The following PRDM11 variants were observed in gnomAD, a reference collection of about 807,000 sequenced individuals.
The protein encoded by PRDM11 is PR/SET domain 11.
Under a neutral mutation model 97.8 loss-of-function variants are expected in PRDM11, and 20 were observed. That is an observed-to-expected ratio of 0.20 (90% CI 0.14 to 0.30). The LOEUF is 0.30. Among genes scored for constraint, PRDM11 ranks in the 10% least tolerant of loss-of-function variants. The pLI is 1.00. For synonymous variants in PRDM11, 599 were observed against 637.7 expected (o/e 0.94, Z 0.91); for missense variants, 1,139 against 1,555.2 (o/e 0.73, Z 4.50).
rs1482936084 is a variant in PRDM11, at chr11:45,219,524, A to G, written c.555-46A>G. ...CTGTGCCGGCACCAGCGGGCACTCA[A>G]CAAAGGGTGGCCCGTGCGTTCTCAC... is the stretch of plus-strand genomic sequence containing the variant. On this transcript the variant is annotated intron_variant, in intron 5 of 7. Transcript: ENST00000683152. This position sits in a 1 kb window ranked among gnomAD's most constrained non-coding sequence, Gnocchi z 4.2. 6.5e-7 allele frequency: 1 copy of G among 1,549,960 alleles called. No homozygotes were observed.
rs1291035340 is a variant in PRDM11, at chr11:45,146,832, G to C, written c.-52G>C. 6.8e-6 allele frequency: 1 copy of C among 146,440 alleles called. No individual in the cohort carries two copies. The highest frequency in any genetic ancestry group is 1.5e-5 in the Non-Finnish European group (1 of 65,780). The allele number at this position is 146,440 out of a possible 1,614,324, so 9.1% of individuals were successfully genotyped here. A position where few individuals can be genotyped will look rare whatever the true frequency, so the allele number is the denominator to read the frequency against. Reference sequence around the variant, plus strand: ...CCTCCGCCGAGCCGCCCGCCGGGCCGCTCTCGCCGCCCGGGCCCCGCGGCT... The same window carrying C: ...CCTCCGCCGAGCCGCCCGCCGGGCCCCTCTCGCCGCCCGGGCCCCGCGGCT... On this transcript the variant is annotated 5_prime_UTR_variant, in exon 1 of 8. Transcript: ENST00000683152.
At chr11:45,168,473 G>A (rs1341718564) in intron 1 of PRDM11, among the ~76,000 whole-genome samples, 1 of 152,166 alleles carries the variant, frequency 6.6e-6, no homozygotes, top group African/African-American at 2.4e-5. Context: ...GGCTGCCTGC[G>A]CCGAGTGGCT....
At chr11:45,212,862 C>A (rs1045943715) in intron 5 of PRDM11, 1 of 438,418 alleles carries the variant, frequency 2.3e-6, no homozygotes. Context: ...ATGTGCCAGA[C>A]GCTGACAGAG....
upstream of PRDM11, among the ~76,000 whole-genome samples, chr11:45,142,905 G>A (rs914458703): frequency 6.6e-6 from 1 of 152,196 alleles, no homozygotes; most frequent in Admixed American, 6.5e-5. Flanking sequence ...TTAAAAAGGG[G>A]AACATCTTTA....
chr11:45,101,567 A>AGAAGAAGAAGAAGAAGAAG lies in PRDM11; in HGVS notation c.96+5666_96+5667insGAAGAAGAAGAAGAAGAAG, dbSNP rs1554963214. Among the ~76,000 whole-genome samples, 13 of 96,832 alleles carry AGAAGAAGAAGAAGAAGAAG rather than the reference A, an allele frequency of 1.3e-4. 4 individuals are homozygous for AGAAGAAGAAGAAGAAGAAG. Among genetic ancestry groups the AGAAGAAGAAGAAGAAGAAG allele is most frequent in the African/African-American group, 5.4e-4 (11 of 20,504 alleles). 63.5% of individuals were successfully genotyped at this position (96,832 alleles called of 152,430 possible). On this transcript the variant is annotated intron_variant, in intron 1 of 6. Transcript: ENST00000530656. Reference sequence around the variant, plus strand: ...CAACACTCTGTCTCAAAAAAAAAAAAAAGAAGAAGAAGAAGAAGAAGAAGA... The same window carrying AGAAGAAGAAGAAGAAGAAG: ...CAACACTCTGTCTCAAAAAAAAAAAAGAAGAAGAAGAAGAAGAAGAAGAAGAAGAAGAAGAAGAAGAAGA...
intron 1 of PRDM11, among the ~76,000 whole-genome samples, chr11:45,115,972 G>T (rs895654974): frequency 2.0e-4 from 30 of 151,018 alleles, no homozygotes; most frequent in African/African-American, 7.3e-4. Flanking sequence ...CTAGAGCAGT[G>T]ATATTATTAT....
At chr11:45,218,852 G>A (rs1271425764) in intron 5 of PRDM11, among the ~76,000 whole-genome samples, 2 of 152,242 alleles carry the variant, frequency 1.3e-5, no homozygotes, top group Non-Finnish European at 2.9e-5. Context: ...GGAGCCATGA[G>A]TTACAGTGGG....
At chr11:45,149,102 C>G (rs1222324082) in intron 1 of PRDM11, among the ~76,000 whole-genome samples, 1 of 152,216 alleles carries the variant, frequency 6.6e-6, no homozygotes, top group Non-Finnish European at 1.5e-5. Flanking sequence ...TCCATCCCCT[C>G]TTCCCCAGTG....
intron 1 of PRDM11, among the ~76,000 whole-genome samples, chr11:45,111,639 G>C (rs1590343774): frequency 6.6e-6 from 1 of 152,208 alleles, no homozygotes; most frequent in South Asian, 2.1e-4. Context: ...CCAAATCAGA[G>C]AGTGGGAGTG....
chr11:45,094,833 G>A (rs1193246549), upstream of PRDM11, among the ~76,000 whole-genome samples: 1 of 101,412 alleles, frequency 9.9e-6, no homozygotes, highest in African/African-American at 6.2e-5. Flanking sequence ...AAGGAAGGGA[G>A]GAAGGAGGGA....
chr11:45,154,892 G>A (rs1480405762), intron 1 of PRDM11, among the ~76,000 whole-genome samples: 1 of 152,198 alleles, frequency 6.6e-6, no homozygotes, highest in Non-Finnish European at 1.5e-5. Context: ...CCCTTCCTCT[G>A]CACCCCAGTC....
intron 5 of PRDM11, chr11:45,213,638 T>C (rs1853859369): frequency 2.2e-6 from 1 of 456,360 alleles, no homozygotes; most frequent in Non-Finnish European, 4.4e-6. Flanking sequence ...AAAGACTGTC[T>C]TGCATTCATA....
chr11:45,189,351 C>A (rs1852826382), intron 4 of PRDM11, among the ~76,000 whole-genome samples: 1 of 152,144 alleles, frequency 6.6e-6, no homozygotes, highest in South Asian at 2.1e-4. Flanking sequence ...AGGGTGGAGA[C>A]CCTAAGTGAA....
At chr11:45,217,067 T>C (rs559675429) in intron 5 of PRDM11, among the ~76,000 whole-genome samples, 6 of 152,330 alleles carry the variant, frequency 3.9e-5, no homozygotes, top group African/African-American at 1.4e-4. Flanking sequence ...TGGTTTCCCT[T>C]TTGTATCTGG....
chr11:45,182,097 C>T, intron 2 of PRDM11, 149 bp from the exon 3 acceptor site: 2 of 746,542 alleles, frequency 2.7e-6, no homozygotes, highest in Non-Finnish European at 2.2e-6. Context: ...TTTCCACCAC[C>T]TCCTGCACTG....
intron 5 of PRDM11, among the ~76,000 whole-genome samples, 191 bp downstream of exon 5, chr11:45,204,969 G>A (rs1450495154): frequency 2.0e-5 from 3 of 152,166 alleles, no homozygotes; most frequent in East Asian, 1.9e-4. Flanking sequence ...TCTAGAGGAC[G>A]GCGTGTGGTC....
chr11:45,196,377 G>A (rs142036019), intron 4 of PRDM11, among the ~76,000 whole-genome samples: 13 of 152,210 alleles, frequency 8.5e-5, no homozygotes, highest in African/African-American at 2.9e-4. Flanking sequence ...TGTTAACTAC[G>A]TTCTTCTGCC....
chr11:45,229,311 C>G lies in PRDM11; in HGVS notation c.*1152C>G, dbSNP rs897744450. 2.0e-5 allele frequency: 3 copies of G among 152,180 alleles called. No homozygotes were observed. Among genetic ancestry groups the G allele is most frequent in the Admixed American group, 6.5e-5 (1 of 15,296 alleles). 9.4% of individuals were successfully genotyped at this position (152,180 alleles called of 1,614,324 possible). The stretch of plus-strand genomic sequence containing the variant: ...AATGAGAGTCTGTAGAGATGTGGTC[C>G]TCCTTTTGCAACAAGGCTGATAACA... On this transcript the variant is annotated 3_prime_UTR_variant, in exon 8 of 8. Coordinates refer to ENST00000683152, the MANE Select transcript of PRDM11 (RefSeq NM_001384648.1).
rs1311790093 is a variant in PRDM11 at position 45,115,950 on chromosome 11, GA to G, written c.96+20059del. On this transcript the variant is annotated intron_variant, in intron 1 of 6. Coordinates refer to the PRDM11 transcript ENST00000530656. ...TCTCAAAAAAAAAAAAAGAAAAAAA[GA>G]AAAAAAAAAGCTAGAGCAGTGATAT... Among the ~76,000 whole-genome samples the G allele has an allele frequency of 6.7e-3, 932 of 138,680 alleles. 13 individuals are homozygous for G. The highest frequency in any genetic ancestry group is 0.022 in the African/African-American group (827 of 37,180). 91.0% of individuals were successfully genotyped at this position (138,680 alleles called of 152,430 possible). A position where few individuals can be genotyped will look rare whatever the true frequency, so the allele number is the denominator to read the frequency against.
Sources: allele counts gnomAD v4.1 joint callset (sites outside exome capture counted in the v4.1 genomes callset), GRCh38; gene constraint gnomAD v4.1.1; non-coding constraint Gnocchi (gnomAD v3.1); transcripts MANE v1.5; gene names NCBI Gene and HGNC (gene_info 2026-07-23, HGNC 2026-07-21).